ZBTB26: variants seen among roughly 807,000 people sequenced by gnomAD.
The protein encoded by ZBTB26 is zinc finger and BTB domain-containing protein 26.
ZBTB26 carries 12 observed loss-of-function variants against 31.6 expected under a neutral mutation model. That is an observed-to-expected ratio of 0.38 (90% CI 0.24 to 0.61). The LOEUF is 0.61. Ranked by LOEUF, ZBTB26 falls within the 20% of genes least tolerant of loss-of-function variation. ZBTB26 has a pLI of 0.60. For synonymous variants in ZBTB26, 155 were observed against 182.9 expected (o/e 0.85, Z 1.23); for missense variants, 311 against 521.9 (o/e 0.60, Z 3.94).
chr9:122,920,859 G>T (rs1324318108), intron 1 of ZBTB26, among the ~76,000 whole-genome samples: 1 of 152,076 alleles, frequency 6.6e-6, no homozygotes, highest in Non-Finnish European at 1.5e-5. Flanking sequence ...TCATTATGTG[G>T]ACTACTAGAA....
In ZBTB26 at chr9:122,919,350, T is replaced by C; in HGVS notation, c.585A>G (p.Arg195=). ...VESIGDVSEV[R]SKKDQNQFIS... ...TAAACTGGTTCTGATCTTTTTTACTTCTAACCTCTGATACATCCCCAATAG... is the reference window on the plus strand; with the variant it reads ...TAAACTGGTTCTGATCTTTTTTACTCCTAACCTCTGATACATCCCCAATAG... The change falls in exon 2 of 2, where the codon AGA becomes AGG. Residue 195 remains arginine, a synonymous_variant. Transcript: ENST00000373656. This position sits in a 1 kb window ranked among gnomAD's most constrained non-coding sequence, Gnocchi z 6.1. 6.2e-7 allele frequency: 1 copy of C among 1,614,196 alleles called. No individual in the cohort carries two copies. Among genetic ancestry groups the C allele is most frequent in the South Asian group, 1.1e-5 (1 of 91,088 alleles).
rs759295353 is a variant in ZBTB26, at chr9:122,916,533, C to G, written c.*2076G>C. The G allele has an allele frequency of 6.6e-6, 1 of 152,202 alleles. No homozygotes were observed. Among genetic ancestry groups the G allele is most frequent in the Non-Finnish European group, 1.5e-5 (1 of 68,030 alleles). 9.4% of individuals were successfully genotyped at this position (152,202 alleles called of 1,614,324 possible). On this transcript the variant is annotated 3_prime_UTR_variant, in exon 2 of 2. Transcript: ENST00000373656. ...GACATGAATGTGAGCAAACGAAGCA[C>G]TCCAACTTGAAATTTCCCTGTGAAG...
At chr9:122,921,212 G>A (rs1408400833) in intron 1 of ZBTB26, among the ~76,000 whole-genome samples, 2 of 152,094 alleles carry the variant, frequency 1.3e-5, no homozygotes, top group South Asian at 2.1e-4. Flanking sequence ...TCATAACCTG[G>A]CTTCCCATTT....
rs1000114377 is a variant in ZBTB26, at chr9:122,920,027, C to T, written c.-10-83G>A. On this transcript the variant is annotated intron_variant, in intron 1 of 1. Coordinates refer to ENST00000373656, the MANE Select transcript of ZBTB26 (RefSeq NM_020924.4). The stretch of plus-strand genomic sequence containing the variant: ...CTGGATCTACCTTCCAAAAACAAAT[C>T]TGTGTTGTCATATCTGTTTTGTATG... 5 of 1,424,846 alleles carry T rather than the reference C, an allele frequency of 3.5e-6. No individual in the cohort carries two copies. In the African/African-American group the frequency reaches 7.2e-5, roughly 20 times the overall value. The allele number at this position is 1,424,846 out of a possible 1,614,324, so 88.3% of individuals were successfully genotyped here. A position where few individuals can be genotyped will look rare whatever the true frequency, so the allele number is the denominator to read the frequency against.
At position 122,918,623 on chromosome 9, in the gene ZBTB26, T is replaced by G. The variant is rs1469344255; in HGVS notation, c.1312A>C (p.Thr438Pro). 6.2e-7 allele frequency: 1 copy of G among 1,612,966 alleles called. No individual in the cohort carries two copies. The change falls in exon 2 of 2, where the codon ACT (threonine) becomes CCT (proline). Residue 438 changes from threonine (T) to proline (P), a missense_variant. Physicochemically the swap from Thr to Pro is conservative, Grantham distance 38. This residue lies in a region of ZBTB26 where 49 missense variants were observed against 66.0 expected (regional missense o/e 0.74). Coordinates refer to ENST00000373656, the MANE Select transcript of ZBTB26 (RefSeq NM_020924.4). ...GAAGCCCCTACTCAATTCACACAAG[T>G]ACTATCATTTCTTAAGTTCAGGACA... ...QAVLNLRNDS[T>P]CVN is the part of the protein sequence containing the mutation.
chr9:122,927,180 A>G (rs761454645), intron 1 of ZBTB26, among the ~76,000 whole-genome samples: 2 of 152,244 alleles, frequency 1.3e-5, no homozygotes, highest in Non-Finnish European at 2.9e-5. Context: ...AGTTTCTATT[A>G]GCAAGTTTTG....
intron 1 of ZBTB26, among the ~76,000 whole-genome samples, chr9:122,925,765 A>ATTTTT (rs59850053): frequency 1.9e-5 from 2 of 103,940 alleles, no homozygotes; most frequent in African/African-American, 4.0e-5. Context: ...TGCCCAGCTA[A>ATTTTT]TTTTTTTTTT....
chr9:122,924,592 G>C (rs1054092182), intron 1 of ZBTB26, among the ~76,000 whole-genome samples: 1 of 148,550 alleles, frequency 6.7e-6, no homozygotes, highest in Non-Finnish European at 1.5e-5. Context: ...AAATAGTTTT[G>C]GCAATATAAA....
In ZBTB26 at chr9:122,919,349, T is replaced by C. The variant is rs778574606; in HGVS notation, c.586A>G (p.Ser196Gly). ...ATAAACTGGTTCTGATCTTTTTTAC[T>C]TCTAACCTCTGATACATCCCCAATA... ...ESIGDVSEVRSKKDQNQFISS... is the reference protein window; with the variant it reads ...ESIGDVSEVRGKKDQNQFISS... Residue 196 changes from serine to glycine, a missense_variant, in exon 2 of 2, where the codon AGT becomes GGT. Ser to Gly is a moderately conservative substitution (Grantham distance 56, BLOSUM62 0). This residue lies in a region of ZBTB26 where 207 missense variants were observed against 298.6 expected (regional missense o/e 0.69). Transcript: ENST00000373656. This position sits in a 1 kb window ranked among gnomAD's most constrained non-coding sequence, Gnocchi z 6.1. 1 of 1,614,106 alleles carries C rather than the reference T, an allele frequency of 6.2e-7. No homozygotes were observed. Among genetic ancestry groups the C allele is most frequent in the Non-Finnish European group, 8.5e-7 (1 of 1,180,032 alleles).
Position 122,919,997 on chromosome 9 carries a change from G to C in ZBTB26, c.-10-53C>G. 2 of 1,514,494 alleles carry C rather than the reference G, an allele frequency of 1.3e-6. No homozygotes were observed. The highest frequency in any genetic ancestry group is 1.8e-6 in the Non-Finnish European group (2 of 1,136,310). 93.8% of individuals were successfully genotyped at this position (1,514,494 alleles called of 1,614,324 possible). ...AATTTAAGGAAACTCAGACAATTAAGAAAGCTGGATCTACCTTCCAAAAAC... is the reference window on the plus strand; with the variant it reads ...AATTTAAGGAAACTCAGACAATTAACAAAGCTGGATCTACCTTCCAAAAAC... On this transcript the variant is annotated intron_variant, in intron 1 of 1. Coordinates refer to ENST00000373656, the MANE Select transcript of ZBTB26 (RefSeq NM_020924.4). This position sits in a 1 kb window ranked among gnomAD's most constrained non-coding sequence, Gnocchi z 6.1.
intron 1 of ZBTB26, among the ~76,000 whole-genome samples, chr9:122,927,859 G>A (rs1305046683): frequency 1.3e-5 from 2 of 151,620 alleles, no homozygotes. Flanking sequence ...TTTTTGAAAC[G>A]GAGTCTTGCT....
At chr9:122,930,178 CTG>C (rs1833249080) in intron 1 of ZBTB26, among the ~76,000 whole-genome samples, 1 of 152,222 alleles carries the variant, frequency 6.6e-6, no homozygotes, top group South Asian at 2.1e-4. Context: ...CTCTATGTGT[CTG>C]TCTCATTAGA....
intron 1 of ZBTB26, among the ~76,000 whole-genome samples, chr9:122,924,784 C>A (rs1420730888): frequency 6.6e-6 from 1 of 151,982 alleles, no homozygotes; most frequent in East Asian, 1.9e-4. Flanking sequence ...CACCACCACA[C>A]CTAGCTAATG....
At position 122,918,246 on chromosome 9, in the gene ZBTB26, TC is replaced by T; in HGVS notation, c.*362del. The T allele has an allele frequency of 5.1e-6, 1 of 195,302 alleles. No homozygotes were observed. The highest frequency in any genetic ancestry group is 1.0e-5 in the Non-Finnish European group (1 of 95,554). 12.1% of individuals were successfully genotyped at this position (195,302 alleles called of 1,614,324 possible). On this transcript the variant is annotated 3_prime_UTR_variant, in exon 2 of 2. Coordinates refer to ENST00000373656, the MANE Select transcript of ZBTB26 (RefSeq NM_020924.4). ...ATTATTCACTTCTCTTAGCATAGCATCTATTAGTGGAGAGTAGGTGACGTTA... is the reference window on the plus strand; with the variant it reads ...ATTATTCACTTCTCTTAGCATAGCATTATTAGTGGAGAGTAGGTGACGTTA...
intron 1 of ZBTB26, among the ~76,000 whole-genome samples, chr9:122,926,423 C>T (rs910399039): frequency 1.4e-4 from 21 of 150,564 alleles, no homozygotes; most frequent in African/African-American, 5.1e-4. Flanking sequence ...AGGAGAATGG[C>T]GTGAACCCGG....
intron 1 of ZBTB26, among the ~76,000 whole-genome samples, chr9:122,923,617 T>C (rs2131538988): frequency 6.6e-6 from 1 of 152,356 alleles, no homozygotes; most frequent in Non-Finnish European, 1.5e-5. Context: ...AGTGGCATTC[T>C]TTTTTAGCAT....
At position 122,919,598 on chromosome 9, in the gene ZBTB26, T is replaced by A. The variant is rs1211891428; in HGVS notation, c.337A>T (p.Ser113Cys). 1.2e-6 allele frequency: 2 copies of A among 1,614,242 alleles called. No homozygotes were observed. Among genetic ancestry groups the A allele is most frequent in the Admixed American group, 3.3e-5 (2 of 60,028 alleles). Reference protein sequence around the residue: ...YLTAASFLQMSHIVERCTQAL... With the variant: ...YLTAASFLQMCHIVERCTQAL... The stretch of plus-strand genomic sequence containing the variant: ...TGTGTGCACCGTTCTACAATGTGGC[T>A]CATCTGAAGAAAACTTGCAGCAGTC... Residue 113 changes from serine (S) to cysteine (C), a missense_variant, in exon 2 of 2, where the codon AGC (serine) becomes TGC (cysteine). Transcript: ENST00000373656. The surrounding 1 kb of genome is among the most constrained non-coding windows in gnomAD (Gnocchi z 6.1).
At chr9:122,920,143 A>G (rs919537777) in intron 1 of ZBTB26, among the ~76,000 whole-genome samples, 199 bp from the exon 2 acceptor site, 6 of 152,206 alleles carry the variant, frequency 3.9e-5, no homozygotes, top group African/African-American at 7.2e-5. Flanking sequence ...TCAAGTGCCA[A>G]TTGCACCTAA....
intron 1 of ZBTB26, among the ~76,000 whole-genome samples, chr9:122,923,226 T>C (rs1272919012): frequency 6.7e-6 from 1 of 149,684 alleles, no homozygotes. Context: ...AGGTGAAATT[T>C]AGGAGGGGGA....
Sources: gnomAD v4.1 joint callset for allele counts (sites outside exome capture counted in the v4.1 genomes callset) on GRCh38, gnomAD v4.1.1 for gene constraint, gnomAD v4.1.1 regional missense constraint, Gnocchi (gnomAD v3.1) non-coding constraint, MANE v1.5 for transcripts, NCBI Gene and HGNC (gene_info 2026-07-23, HGNC 2026-07-21) for gene names.